Variants in BBX observed in about 807,000 individuals in gnomAD.
BBX encodes the protein HMG box transcription factor BBX.
In BBX, 30 loss-of-function variants were observed where a neutral mutation model predicts 100.2. The observed-to-expected ratio is 0.30, with a 90% confidence interval of 0.22 to 0.41. BBX has a LOEUF of 0.41. Among genes scored for constraint, BBX ranks in the 10% least tolerant of loss-of-function variants. The probability of loss-of-function intolerance (pLI) is 1.00; values close to 1 mark genes in which losing one functional copy is unlikely to be tolerated. For synonymous variants in BBX, 376 were observed against 388.1 expected (o/e 0.97, Z 0.37); for missense variants, 1,023 against 1,129.8 (o/e 0.91, Z 1.35).
chr3:107,539,550 C>T (rs1204109383), intron 2 of BBX, among the ~76,000 whole-genome samples: 1 of 152,098 alleles, frequency 6.6e-6, no homozygotes, highest in Non-Finnish European at 1.5e-5. Flanking sequence ...AACAACTCAC[C>T]CCAAATGTGT....
chr3:107,584,078 ATT>A (rs1559839906), intron 2 of BBX, among the ~76,000 whole-genome samples: 4 of 31,238 alleles, frequency 1.3e-4, no homozygotes, highest in East Asian at 1.2e-3. Context: ...TATTATATAT[ATT>A]ATATATATCA....
chr3:107,566,100 G>A (rs1360954402), intron 2 of BBX, among the ~76,000 whole-genome samples: 3 of 150,006 alleles, frequency 2.0e-5, no homozygotes, highest in Admixed American at 6.6e-5. Context: ...GCTTGAACTC[G>A]GGAGGCGGAG....
At chr3:107,760,257 G>A (rs568677638) in intron 10 of BBX, among the ~76,000 whole-genome samples, 1 of 152,316 alleles carries the variant, frequency 6.6e-6, no homozygotes, top group Non-Finnish European at 1.5e-5. Context: ...CTTGTTATAG[G>A]AGTGTGCATA....
intron 3 of BBX, among the ~76,000 whole-genome samples, chr3:107,679,972 A>G (rs953590742): frequency 6.6e-6 from 1 of 152,224 alleles, no homozygotes; most frequent in African/African-American, 2.4e-5. Context: ...TCTATCAGCA[A>G]TGAACAGCTT....
At chr3:107,717,007 G>T (rs1441491382) in intron 5 of BBX, among the ~76,000 whole-genome samples, 158 bp downstream of exon 5, 1 of 152,162 alleles carries the variant, frequency 6.6e-6, no homozygotes, top group African/African-American at 2.4e-5. Flanking sequence ...TGTATGACTT[G>T]TTCCTGTTCC....
intron 10 of BBX, among the ~76,000 whole-genome samples, chr3:107,760,823 T>G (rs1426358498): frequency 6.6e-6 from 1 of 152,186 alleles, no homozygotes; most frequent in Non-Finnish European, 1.5e-5. Flanking sequence ...TGGCCTATAT[T>G]TTGTTGACCT....
At chr3:107,713,967 CTTTTTTTT>C (rs569427270) in intron 4 of BBX, among the ~76,000 whole-genome samples, 14,858 of 82,264 alleles carry the variant, frequency 0.18, 1,126 homozygotes, top group African/African-American at 0.31. Context: ...TAATTTTTTT[CTTTTTTTT>C]TTTTTTTTTT....
At chr3:107,640,991 T>A (rs993913159) in intron 2 of BBX, among the ~76,000 whole-genome samples, 7 of 152,124 alleles carry the variant, frequency 4.6e-5, no homozygotes, top group Non-Finnish European at 8.8e-5. Context: ...TGTTAATGCA[T>A]AGGAGGTTAG....
chr3:107,528,608 T>A (rs2047938649), intron 2 of BBX, among the ~76,000 whole-genome samples: 1 of 152,210 alleles, frequency 6.6e-6, no homozygotes, highest in Non-Finnish European at 1.5e-5. Flanking sequence ...TAGATCTGAT[T>A]TTTATACTTA....
chr3:107,618,126 A>G (rs921991154), intron 2 of BBX, among the ~76,000 whole-genome samples: 6 of 152,016 alleles, frequency 3.9e-5, no homozygotes, highest in Admixed American at 1.3e-4. Context: ...ATACATCAAT[A>G]TGATTATATC....
At chr3:107,553,323 A>G (rs899060227) in intron 2 of BBX, among the ~76,000 whole-genome samples, 1 of 152,330 alleles carries the variant, frequency 6.6e-6, no homozygotes, top group East Asian at 1.9e-4. Flanking sequence ...CATTTTATCT[A>G]TGAAGAACCT....
intron 10 of BBX, among the ~76,000 whole-genome samples, chr3:107,764,399 T>C (rs548284245): frequency 6.6e-6 from 1 of 152,344 alleles, no homozygotes; most frequent in East Asian, 1.9e-4. Context: ...TTAAACACAA[T>C]TATCTGTTGA....
chr3:107,806,818 G>T lies in BBX; in HGVS notation c.*1361G>T, dbSNP rs2071093602. ...AGGCTACAGATTTTACAGGGTATTT[G>T]TTCTATAGCACAAAGTATTTCCCCA... On this transcript the variant is annotated 3_prime_UTR_variant, in exon 18 of 18. Coordinates refer to ENST00000325805, the MANE Select transcript of BBX (RefSeq NM_001142568.3). 1 of 152,124 alleles carries T rather than the reference G, an allele frequency of 6.6e-6. No homozygotes were observed. The highest frequency in any genetic ancestry group is 1.9e-4 in the East Asian group (1 of 5,198). 9.4% of individuals were successfully genotyped at this position (152,124 alleles called of 1,614,324 possible).
intron 2 of BBX, among the ~76,000 whole-genome samples, chr3:107,570,182 T>C (rs1359301911): frequency 6.6e-6 from 1 of 152,210 alleles, no homozygotes; most frequent in African/African-American, 2.4e-5. Context: ...GTGCTGGAGA[T>C]GTGGCTGAGG....
chr3:107,766,596 G>GT (rs1390834194), intron 10 of BBX, among the ~76,000 whole-genome samples: 5 of 151,542 alleles, frequency 3.3e-5, no homozygotes, highest in East Asian at 3.9e-4. Flanking sequence ...AAAAGTATAG[G>GT]TAAAAAAAAA....
chr3:107,665,873 T>G (rs1393488669), intron 3 of BBX, among the ~76,000 whole-genome samples: 2 of 152,160 alleles, frequency 1.3e-5, no homozygotes, highest in Admixed American at 1.3e-4. Flanking sequence ...AGTCGTTGAG[T>G]CTGTCTGTAT....
Position 107,728,720 on chromosome 3 carries a change from A to G in BBX, c.406-45A>G, listed in dbSNP as rs113647767. ...GGTGACAGCCTTTAGAACTTTTTCA[A>G]TCTATTTGTTAATTAAAATCTGCTG... is the stretch of plus-strand genomic sequence containing the variant. On this transcript the variant is annotated intron_variant, in intron 5 of 17. Transcript: ENST00000325805. 180 of 1,538,842 alleles carry G rather than the reference A, an allele frequency of 1.2e-4. 1 individual carries two copies. The African/African-American group carries it at 1.3e-3, about 11-fold the overall frequency.
chr3:107,748,665 G>C (rs997527973), intron 9 of BBX, among the ~76,000 whole-genome samples: 1 of 152,016 alleles, frequency 6.6e-6, no homozygotes, highest in Non-Finnish European at 1.5e-5. Flanking sequence ...CAGGAGCCCT[G>C]GCCTCAACCA....
chr3:107,644,969 A>G (rs748219134), intron 2 of BBX, among the ~76,000 whole-genome samples: 1 of 152,164 alleles, frequency 6.6e-6, no homozygotes, highest in African/African-American at 2.4e-5. Flanking sequence ...CCATAAAATG[A>G]CTGATATTAT....
Sources: gnomAD v4.1 joint callset for allele counts (sites outside exome capture counted in the v4.1 genomes callset) on GRCh38, gnomAD v4.1.1 for gene constraint, MANE v1.5 for transcripts, NCBI Gene and HGNC (gene_info 2026-07-23, HGNC 2026-07-21) for gene names.